The following SLCO3A1 variants were observed in gnomAD, a reference collection of about 807,000 sequenced individuals.
The protein encoded by SLCO3A1 is PGE1 transporter.
A neutral mutation model predicts 63.1 loss-of-function variants in SLCO3A1; 27 were observed. The observed-to-expected ratio is 0.43, with a 90% confidence interval of 0.32 to 0.59. SLCO3A1 has a LOEUF of 0.59. Ranked by LOEUF, SLCO3A1 falls within the 20% of genes least tolerant of loss-of-function variation. The pLI, the probability that SLCO3A1 is intolerant of heterozygous loss-of-function variation, is 0.09. For missense variants in SLCO3A1, 773 were observed against 945.8 expected (o/e 0.82, Z 2.40); for synonymous variants, 473 against 409.9 (o/e 1.15, Z -1.86).
At chr15:92,110,496 C>G (rs1484046275) in intron 4 of SLCO3A1, among the ~76,000 whole-genome samples, 1 of 152,178 alleles carries the variant, frequency 6.6e-6, no homozygotes, top group Admixed American at 6.5e-5. Flanking sequence ...CCTCACTGGT[C>G]TCTTTTCAGT....
chr15:91,911,408 C>T (rs1898480875), intron 1 of SLCO3A1, among the ~76,000 whole-genome samples: 1 of 152,064 alleles, frequency 6.6e-6, no homozygotes, highest in Non-Finnish European at 1.5e-5. Context: ...GTCTAGACCC[C>T]ACCCCAGACC....
intron 2 of SLCO3A1, among the ~76,000 whole-genome samples, chr15:91,999,008 C>G (rs1187518155): frequency 5.3e-5 from 8 of 152,188 alleles, no homozygotes; most frequent in Admixed American, 5.2e-4. Flanking sequence ...CAGCGGGAGG[C>G]CATTATCCTA....
At chr15:91,880,162 C>CTATCT (rs1567168728) in intron 1 of SLCO3A1, among the ~76,000 whole-genome samples, 1,393 of 125,152 alleles carry the variant, frequency 0.011, 29 homozygotes, top group African/African-American at 0.04. Context: ...TCCATCCATC[C>CTATCT]ATCCATCCAT....
At chr15:91,957,732 T>C (rs1271349653) in intron 2 of SLCO3A1, among the ~76,000 whole-genome samples, 1 of 152,218 alleles carries the variant, frequency 6.6e-6, no homozygotes, top group Non-Finnish European at 1.5e-5. Flanking sequence ...CTGTCCCCCA[T>C]ACTCAGCTTT....
chr15:91,969,796 C>G (rs1900791466), intron 2 of SLCO3A1, among the ~76,000 whole-genome samples: 1 of 152,172 alleles, frequency 6.6e-6, no homozygotes, highest in Non-Finnish European at 1.5e-5. Flanking sequence ...TGGAAGAGAT[C>G]TAGCTATGTC....
At chr15:92,116,319 G>A (rs1232757866) in intron 4 of SLCO3A1, among the ~76,000 whole-genome samples, 1 of 152,186 alleles carries the variant, frequency 6.6e-6, no homozygotes, top group Non-Finnish European at 1.5e-5. Flanking sequence ...TAATCCTACA[G>A]GAATCTCTTA....
In SLCO3A1 at chr15:91,872,521, G is replaced by C. The variant is rs942600646; in HGVS notation, c.180+18433G>C. Among the ~76,000 whole-genome samples, 1 of 151,286 alleles carries C rather than the reference G, an allele frequency of 6.6e-6. No homozygotes were observed. The highest frequency in any genetic ancestry group is 2.4e-5 in the African/African-American group (1 of 41,022). Reference sequence around the variant, plus strand: ...CGCACTCCAGCCAGGGCAACAAAATGAGACTCCGTCTCAAAAAAAAAAAGA... The same window carrying C: ...CGCACTCCAGCCAGGGCAACAAAATCAGACTCCGTCTCAAAAAAAAAAAGA... On this transcript the variant is annotated intron_variant, in intron 1 of 9. Coordinates refer to ENST00000318445, the MANE Select transcript of SLCO3A1 (RefSeq NM_013272.4). This position sits in a 1 kb window ranked among gnomAD's most constrained non-coding sequence, Gnocchi z 4.1.
intron 2 of SLCO3A1, among the ~76,000 whole-genome samples, chr15:91,983,550 G>A (rs1204549467): frequency 6.6e-6 from 1 of 152,104 alleles, no homozygotes; most frequent in African/African-American, 2.4e-5. Flanking sequence ...CCATCAGAAC[G>A]AAGCATGAGG....
intron 2 of SLCO3A1, among the ~76,000 whole-genome samples, 192 bp from the exon 3 acceptor site, chr15:92,094,689 G>A (rs1360296781): frequency 2.0e-5 from 3 of 152,198 alleles, no homozygotes; most frequent in Non-Finnish European, 4.4e-5. Flanking sequence ...CTATAGAATT[G>A]TAGCATAATA....
intron 2 of SLCO3A1, among the ~76,000 whole-genome samples, chr15:91,997,362 C>G (rs1346740982): frequency 6.6e-6 from 1 of 152,152 alleles, no homozygotes; most frequent in Non-Finnish European, 1.5e-5. Flanking sequence ...ATAGATGACA[C>G]AAACAAATGG....
chr15:92,075,313 T>A (rs529065586), intron 2 of SLCO3A1, among the ~76,000 whole-genome samples: 1 of 152,262 alleles, frequency 6.6e-6, no homozygotes, highest in South Asian at 2.1e-4. Flanking sequence ...GGCTTCTAGA[T>A]CCTTACTTCT....
At chr15:92,019,065 C>G (rs527706925) in intron 2 of SLCO3A1, among the ~76,000 whole-genome samples, 107 of 146,432 alleles carry the variant, frequency 7.3e-4, no homozygotes, top group African/African-American at 2.7e-3. Context: ...GTGTGTGCGT[C>G]CTGGGAGGGG....
intron 4 of SLCO3A1, among the ~76,000 whole-genome samples, chr15:92,105,280 A>G (rs2047654506): frequency 6.6e-6 from 1 of 151,902 alleles, no homozygotes; most frequent in African/African-American, 2.4e-5. Flanking sequence ...ATCTCAAAAG[A>G]AAAAAAAGCC....
intron 4 of SLCO3A1, among the ~76,000 whole-genome samples, chr15:92,116,367 G>A (rs539336347): frequency 4.6e-5 from 7 of 152,274 alleles, no homozygotes; most frequent in East Asian, 3.9e-4. Flanking sequence ...CCTAGAGACC[G>A]CTCTCCTGCC....
chr15:92,027,090 CAAAA>C (rs79713708), intron 2 of SLCO3A1, among the ~76,000 whole-genome samples: 62,125 of 121,042 alleles, frequency 0.51, 13,345 homozygotes, highest in South Asian at 0.64. Flanking sequence ...ACTTTGTCTC[CAAAA>C]AAAAAAAAAA....
intron 2 of SLCO3A1, among the ~76,000 whole-genome samples, chr15:92,020,331 G>A (rs902412182): frequency 7.9e-5 from 12 of 151,896 alleles, no homozygotes; most frequent in African/African-American, 2.9e-4. Flanking sequence ...GTAAAGTCCC[G>A]AAGCCTCTAG....
chr15:92,026,636 A>G (rs1597234486), intron 2 of SLCO3A1, among the ~76,000 whole-genome samples: 1 of 152,174 alleles, frequency 6.6e-6, no homozygotes, highest in East Asian at 1.9e-4. Flanking sequence ...TAGGTCTGTA[A>G]CCAGTTATTT....
chr15:91,855,761 T>G (rs1896901547), intron 1 of SLCO3A1, among the ~76,000 whole-genome samples: 1 of 152,206 alleles, frequency 6.6e-6, no homozygotes. Context: ...TATGTGGGTC[T>G]GTACTGTGAC....
At chr15:91,857,131 T>C (rs1896945632) in intron 1 of SLCO3A1, among the ~76,000 whole-genome samples, 2 of 151,874 alleles carry the variant, frequency 1.3e-5, no homozygotes, top group South Asian at 4.2e-4. Flanking sequence ...TGCATGTGTT[T>C]GTTTTCCACC....
Sources: gnomAD v4.1 joint callset for allele counts (sites outside exome capture counted in the v4.1 genomes callset) on GRCh38, gnomAD v4.1.1 for gene constraint, Gnocchi (gnomAD v3.1) non-coding constraint, MANE v1.5 for transcripts, NCBI Gene and HGNC (gene_info 2026-07-23, HGNC 2026-07-21) for gene names.